CHCHD3: variants seen among roughly 807,000 people sequenced by gnomAD.
The protein encoded by CHCHD3 is coiled-coil-helix-coiled-coil-helix domain containing 3, also known as MICOS complex subunit MIC19.
CHCHD3 carries 20 observed loss-of-function variants against 38.2 expected under a neutral mutation model. That is an observed-to-expected ratio of 0.52 (90% CI 0.37 to 0.76). The LOEUF is 0.76. CHCHD3 is among the 30% of genes least tolerant of loss of function. The pLI is 0.00. For missense variants in CHCHD3, 245 were observed against 279.2 expected, an observed-to-expected ratio of 0.88 and a Z score of 0.87; for synonymous variants, 82 against 100.0, an observed-to-expected ratio of 0.82 and a Z score of 1.07.
intron 6 of CHCHD3, chr7:132,830,914 T>C (rs1438427145): frequency 6.6e-6 from 1 of 152,154 alleles, no homozygotes; most frequent in Non-Finnish European, 1.5e-5. Context: ...TCTTACTGAA[T>C]AATCAAGATG....
intron 4 of CHCHD3, among the ~76,000 whole-genome samples, chr7:132,937,899 T>C (rs573795542): frequency 6.6e-6 from 1 of 152,320 alleles, no homozygotes; most frequent in African/African-American, 2.4e-5. Flanking sequence ...TGATCTTTCA[T>C]TTGTTAAAAG....
At chr7:133,020,957 T>C (rs1487436939) in intron 3 of CHCHD3, among the ~76,000 whole-genome samples, 1 of 130,970 alleles carries the variant, frequency 7.6e-6, no homozygotes, top group African/African-American at 2.8e-5. Context: ...GGAGAACGGA[T>C]AAGAGGGGGG....
chr7:132,799,731 A>G (rs1806735943), intron 6 of CHCHD3, among the ~76,000 whole-genome samples: 1 of 152,234 alleles, frequency 6.6e-6, no homozygotes, highest in African/African-American at 2.4e-5. Flanking sequence ...TACATGTAAC[A>G]AAAACAAGAA....
At chr7:133,000,594 C>G (rs1009017308) in intron 3 of CHCHD3, among the ~76,000 whole-genome samples, 3 of 152,080 alleles carry the variant, frequency 2.0e-5, no homozygotes, top group African/African-American at 4.8e-5. Context: ...TTGTCACTTT[C>G]ATGCAATTGT....
chr7:132,967,683 A>G (rs1455901604), intron 4 of CHCHD3, among the ~76,000 whole-genome samples: 2 of 151,752 alleles, frequency 1.3e-5, no homozygotes, highest in Admixed American at 1.3e-4. Flanking sequence ...AAACAAAATT[A>G]GCCAGACATG....
At chr7:132,967,247 G>A (rs186459713) in intron 4 of CHCHD3, among the ~76,000 whole-genome samples, 539 of 152,272 alleles carry the variant, frequency 3.5e-3, no homozygotes, top group Non-Finnish European at 6.1e-3. Context: ...ATGACTAATT[G>A]TTGCCAAGAA....
chr7:132,822,237 G>A (rs1261911875), intron 6 of CHCHD3, among the ~76,000 whole-genome samples: 1 of 152,112 alleles, frequency 6.6e-6, no homozygotes, highest in Middle Eastern at 3.2e-3. Flanking sequence ...TCTGCCAAAG[G>A]ACAATTTTTT....
intron 3 of CHCHD3, among the ~76,000 whole-genome samples, chr7:133,007,105 G>T (rs188107827): frequency 1.3e-5 from 2 of 152,132 alleles, no homozygotes; most frequent in African/African-American, 4.8e-5. Flanking sequence ...AGTTATTTTT[G>T]TAACTAGAAA....
At chr7:132,919,698 G>A (rs1172686413) in intron 4 of CHCHD3, among the ~76,000 whole-genome samples, 1 of 152,158 alleles carries the variant, frequency 6.6e-6, no homozygotes, top group Non-Finnish European at 1.5e-5. Flanking sequence ...TGCACACTAA[G>A]CTTTGAGTGG....
intron 5 of CHCHD3, among the ~76,000 whole-genome samples, chr7:132,864,876 T>C (rs1431631788): frequency 2.0e-5 from 3 of 152,192 alleles, no homozygotes; most frequent in Admixed American, 6.5e-5. Flanking sequence ...CTGAAAACTC[T>C]TGTATTATCC....
intron 4 of CHCHD3, among the ~76,000 whole-genome samples, chr7:132,969,571 T>C (rs921911745): frequency 2.0e-5 from 3 of 152,232 alleles, no homozygotes; most frequent in African/African-American, 7.2e-5. Context: ...TTACTGATAC[T>C]AGAAACCTTG....
intron 2 of CHCHD3, among the ~76,000 whole-genome samples, chr7:133,033,326 T>C (rs1384550596): frequency 6.6e-6 from 1 of 152,158 alleles, no homozygotes; most frequent in East Asian, 1.9e-4. Context: ...ATTCAGAAGT[T>C]AGAGGGCACA....
intron 6 of CHCHD3, among the ~76,000 whole-genome samples, chr7:132,832,072 A>C (rs754812288): frequency 2.0e-5 from 3 of 152,210 alleles, no homozygotes; most frequent in Non-Finnish European, 4.4e-5. Flanking sequence ...AAAAAAGAAA[A>C]AAAAATCAAG....
chr7:132,932,957 G>C (rs558353828), intron 4 of CHCHD3, among the ~76,000 whole-genome samples: 90 of 152,070 alleles, frequency 5.9e-4, no homozygotes, highest in Non-Finnish European at 8.5e-4. Flanking sequence ...TGTCTGTTTT[G>C]TGTCATCTGA....
At chr7:132,902,489 T>C (rs1270844010) in intron 4 of CHCHD3, among the ~76,000 whole-genome samples, 2 of 152,114 alleles carry the variant, frequency 1.3e-5, no homozygotes, top group African/African-American at 4.8e-5. Flanking sequence ...TACGCAGCCA[T>C]AAAAAATGAT....
rs149867752 is a variant in CHCHD3 at position 133,036,515 on chromosome 7, G to A, written c.170-11888C>T. 3.3e-5 allele frequency among the ~76,000 whole-genome samples: 5 copies of A among 152,190 alleles called. No homozygotes were observed. The East Asian group carries it at 9.7e-4, about 29-fold the overall frequency. ...TTGGGGGTATATACCATAGGATTGT[G>A]AAATAAAATACAGAAATATGTCATA... is the stretch of plus-strand genomic sequence containing the variant. On this transcript the variant is annotated intron_variant, in intron 2 of 7. Coordinates refer to ENST00000262570, the MANE Select transcript of CHCHD3 (RefSeq NM_017812.4).
At chr7:132,839,153 T>C (rs1400797216) in intron 5 of CHCHD3, among the ~76,000 whole-genome samples, 2 of 151,760 alleles carry the variant, frequency 1.3e-5, no homozygotes, top group African/African-American at 4.8e-5. Context: ...GATGGAGCCA[T>C]TGCACTCCAG....
At chr7:133,023,652 C>T (rs1813252724) in intron 3 of CHCHD3, among the ~76,000 whole-genome samples, 2 of 152,182 alleles carry the variant, frequency 1.3e-5, no homozygotes, top group South Asian at 4.1e-4. Flanking sequence ...ATGGGAAGCA[C>T]TTTATCTTAG....
intron 3 of CHCHD3, among the ~76,000 whole-genome samples, chr7:133,012,570 C>G (rs958402935): frequency 6.6e-6 from 1 of 152,036 alleles, no homozygotes; most frequent in African/African-American, 2.4e-5. Context: ...TCGAGACCAG[C>G]CTGGGCAACA....
Sources: gnomAD v4.1 joint callset for allele counts (sites outside exome capture counted in the v4.1 genomes callset) on GRCh38, gnomAD v4.1.1 for gene constraint, MANE v1.5 for transcripts, NCBI Gene and HGNC (gene_info 2026-07-23, HGNC 2026-07-21) for gene names.